The following GPRIN2 variants were observed in gnomAD, a reference collection of about 807,000 sequenced individuals.
GPRIN2 encodes the protein G protein-regulated inducer of neurite outgrowth 2.
In GPRIN2, 1 loss-of-function variant was observed where a neutral mutation model predicts 0.3. The observed-to-expected ratio is 3.90, with a 90% CI of 1.39 to 18.51. The LOEUF (loss-of-function observed/expected upper bound fraction) is 18.51, where lower values mean the gene tolerates loss of function less well. GPRIN2 is among the 30% of genes most tolerant of loss of function. The probability of loss-of-function intolerance (pLI) is 0.11; values close to 1 mark genes in which losing one functional copy is unlikely to be tolerated. For synonymous variants in GPRIN2, 361 were observed against 258.6 expected, an observed-to-expected ratio of 1.40 and a Z score of -3.80; for missense variants, 880 against 604.2, an observed-to-expected ratio of 1.46 and a Z score of -4.79.
rs1324931279 is a variant in GPRIN2, at chr10:46,547,374, C to T, written c.*1986G>A. On this transcript the variant is annotated 3_prime_UTR_variant, in exon 3 of 3. Transcript: ENST00000374314. ...CCACCTCAGAACCCCTTCCACAGTT[C>T]CCTTAAAGTTCCTTTCCTCATTTAC... Among the ~76,000 whole-genome samples, 1 of 152,312 alleles carries T rather than the reference C, an allele frequency of 6.6e-6. No homozygotes were observed. Among genetic ancestry groups the T allele is most frequent in the African/African-American group, 2.4e-5 (1 of 41,488 alleles).
Position 46,547,163 on chromosome 10 carries a change from G to C in GPRIN2, c.*2197C>G, listed in dbSNP as rs1832862274. 2.6e-4 allele frequency among the ~76,000 whole-genome samples: 39 copies of C among 152,410 alleles called. No homozygotes were observed. Among genetic ancestry groups the C allele is most frequent in the African/African-American group, 9.4e-4 (39 of 41,594 alleles). On this transcript the variant is annotated 3_prime_UTR_variant, in exon 3 of 3. Transcript: ENST00000374314. ...CCTCTTGCTCAAACTGGAAACCTCA[G>C]CATCCTGAAATGCCTCCTCCCCAAA...
chr10:46,548,671 G>A lies in GPRIN2; in HGVS notation c.*689C>T, dbSNP rs2131608546. Among the ~76,000 whole-genome samples the A allele has an allele frequency of 7.2e-5, 11 of 152,420 alleles. No individual in the cohort carries two copies. Among genetic ancestry groups the A allele is most frequent in the African/African-American group, 2.2e-4 (9 of 41,606 alleles). The stretch of plus-strand genomic sequence containing the variant: ...CAGAATCCACAGAACCCAGCACAGA[G>A]TATGAGCTCAGTAAATTCTCCTCAT... On this transcript the variant is annotated 3_prime_UTR_variant, in exon 3 of 3. Coordinates refer to ENST00000374314, the MANE Select transcript of GPRIN2 (RefSeq NM_001385282.1).
Position 46,549,981 on chromosome 10 carries a change from G to T in GPRIN2, c.756C>A (p.Ala252=). The part of the protein sequence containing the change: ...RAGGCCHALP[A]TGILAFPKLV... ...GTTTGGGAAAGGCCAGGATCCCTGTGGCAGGTAGGGCATGGCAGCAGCCAC... is the reference window on the plus strand; with the variant it reads ...GTTTGGGAAAGGCCAGGATCCCTGTTGCAGGTAGGGCATGGCAGCAGCCAC... Residue 252 remains alanine (A), a synonymous_variant, in exon 3 of 3, where the codon GCC becomes GCA. Coordinates refer to ENST00000374314, the MANE Select transcript of GPRIN2 (RefSeq NM_001385282.1). 1 of 1,614,106 alleles carries T rather than the reference G, an allele frequency of 6.2e-7. No homozygotes were observed.
rs1297605548 is a variant in GPRIN2, at chr10:46,542,277, G to A, written c.*7083C>T. Among the ~76,000 whole-genome samples, 4 of 152,428 alleles carry A rather than the reference G, an allele frequency of 2.6e-5. No individual in the cohort carries two copies. The highest frequency in any genetic ancestry group is 5.9e-5 in the Non-Finnish European group (4 of 68,048). ...GCCCCAACAGAGGCTCCCTGCTTGG[G>A]CCTTGCTCAGGCCTGGGAGGGTGAT... On this transcript the variant is annotated 3_prime_UTR_variant, in exon 3 of 3. Coordinates refer to ENST00000374314, the MANE Select transcript of GPRIN2 (RefSeq NM_001385282.1).
rs1832501591 is a variant in GPRIN2 at position 46,550,044 on chromosome 10, T to G, written c.693A>C (p.Pro231=). 5.0e-6 allele frequency: 8 copies of G among 1,613,858 alleles called. No individual in the cohort carries two copies. Among genetic ancestry groups the G allele is most frequent in the Admixed American group, 3.3e-5 (2 of 60,026 alleles). ...LATTTCHALP[P]AALLCGMREV... ...CCCTCATGCCACAGAGTAGAGCAGC[T>G]GGGGGCAGAGCATGGCAGGTGGTGG... The change falls in exon 3 of 3, where the codon CCA becomes CCC. Residue 231 remains proline, a synonymous_variant. Coordinates refer to ENST00000374314, the MANE Select transcript of GPRIN2 (RefSeq NM_001385282.1).
chr10:46,552,190 G>T (rs1842690195), intron 2 of GPRIN2, among the ~76,000 whole-genome samples: 1 of 152,312 alleles, frequency 6.6e-6, no homozygotes, highest in African/African-American at 2.4e-5. Flanking sequence ...AAGGTGTTCA[G>T]GTGGAGAGCG....
In GPRIN2 at chr10:46,542,616, T is replaced by C. The variant is rs980412699; in HGVS notation, c.*6744A>G. Among the ~76,000 whole-genome samples the C allele has an allele frequency of 1.4e-3, 215 of 152,280 alleles. No individual in the cohort carries two copies. The highest frequency in any genetic ancestry group is 4.3e-3 in the African/African-American group (180 of 41,484). On this transcript the variant is annotated 3_prime_UTR_variant, in exon 3 of 3. Coordinates refer to ENST00000374314, the MANE Select transcript of GPRIN2 (RefSeq NM_001385282.1). ...TCCCCGGGCCACGTGGAACTGTGAG[T>C]CAATTAAACCTCTTTCCTTTATAAA...
In GPRIN2 at chr10:46,545,256, A is replaced by G. The variant is rs1264339842; in HGVS notation, c.*4104T>C. Among the ~76,000 whole-genome samples, 7 of 151,376 alleles carry G rather than the reference A, an allele frequency of 4.6e-5. No homozygotes were observed. The highest frequency in any genetic ancestry group is 1.3e-4 in the Admixed American group (2 of 15,202). On this transcript the variant is annotated 3_prime_UTR_variant, in exon 3 of 3. Coordinates refer to ENST00000374314, the MANE Select transcript of GPRIN2 (RefSeq NM_001385282.1). ...AACTTCCCCCAAAATAGGCCCTACG[A>G]CTCCAGCAGAAACCTACCCTGGGGC...
rs1296512835 is a variant in GPRIN2 at position 46,556,629 on chromosome 10, G to C, written c.-249C>G. 6.6e-6 allele frequency among the ~76,000 whole-genome samples: 1 copy of C among 151,934 alleles called. No homozygotes were observed. Among genetic ancestry groups the C allele is most frequent in the Non-Finnish European group, 1.5e-5 (1 of 67,940 alleles). On this transcript the variant is annotated 5_prime_UTR_variant, in exon 1 of 3. Transcript: ENST00000374314. ...GCGCGAGACGCCGCCCGCCGCCGTC[G>C]GCCCGGCCCGCGGAGCAAGCGCCGG...
chr10:46,550,176 C>A lies in GPRIN2; in HGVS notation c.561G>T (p.Trp187Cys), dbSNP rs1832457659. Reference protein sequence around the residue: ...APEDETSNSAWMLGASQLSVP... With the variant: ...APEDETSNSACMLGASQLSVP... ...CTGACAACTGACTCGCCCCCAGCATCCAGGCTGAGTTAGAAGTCTCATCCT... is the reference window on the plus strand; with the variant it reads ...CTGACAACTGACTCGCCCCCAGCATACAGGCTGAGTTAGAAGTCTCATCCT... Residue 187 changes from tryptophan (W) to cysteine (C), a missense_variant, in exon 3 of 3, where the codon TGG becomes TGT. By Grantham distance (215) the Trp-to-Cys change is radical. Coordinates refer to ENST00000374314, the MANE Select transcript of GPRIN2 (RefSeq NM_001385282.1). The A allele has an allele frequency of 4.4e-6, 7 of 1,599,398 alleles. No individual in the cohort carries two copies. The highest frequency in any genetic ancestry group is 5.1e-6 in the Non-Finnish European group (6 of 1,172,348).
chr10:46,555,896 G>A (rs1342141114), intron 1 of GPRIN2, among the ~76,000 whole-genome samples: 4 of 152,300 alleles, frequency 2.6e-5, no homozygotes, highest in Non-Finnish European at 5.9e-5. Context: ...CACTCTGCAC[G>A]CCAAGCACAG....
Position 46,541,813 on chromosome 10 carries a change from A to C in GPRIN2, c.*7547T>G, listed in dbSNP as rs1337926025. Among the ~76,000 whole-genome samples, 3 of 152,312 alleles carry C rather than the reference A, an allele frequency of 2.0e-5. No homozygotes were observed. Among genetic ancestry groups the C allele is most frequent in the African/African-American group, 7.2e-5 (3 of 41,488 alleles). The stretch of plus-strand genomic sequence containing the variant: ...ATAAAAACTAATGAAAAAATGATAA[A>C]ATATCAAAAATTTCAATAAAGCAGC... On this transcript the variant is annotated 3_prime_UTR_variant, in exon 3 of 3. Coordinates refer to ENST00000374314, the MANE Select transcript of GPRIN2 (RefSeq NM_001385282.1).
chr10:46,548,970 T>TCA lies in GPRIN2; in HGVS notation c.*388_*389dup, dbSNP rs1176822623. ...GGGCCTCACATTTCATGTCGAGAAT[T>TCA]CACTATTTCTCAGCACTGATTTCAA... On this transcript the variant is annotated 3_prime_UTR_variant, in exon 3 of 3. Coordinates refer to ENST00000374314, the MANE Select transcript of GPRIN2 (RefSeq NM_001385282.1). 9.1e-5 allele frequency: 24 copies of TCA among 263,172 alleles called. No individual in the cohort carries two copies. In the Admixed American group the frequency reaches 1.1e-3, roughly 12 times the overall value. 16.3% of individuals were successfully genotyped at this position (263,172 alleles called of 1,614,324 possible). A position where few individuals can be genotyped will look rare whatever the true frequency, so the allele number is the denominator to read the frequency against.
Position 46,542,793 on chromosome 10 carries a change from C to T in GPRIN2, c.*6567G>A, listed in dbSNP as rs1157525900. 2.0e-5 allele frequency among the ~76,000 whole-genome samples: 3 copies of T among 152,306 alleles called. No individual in the cohort carries two copies. Among genetic ancestry groups the T allele is most frequent in the African/African-American group, 4.8e-5 (2 of 41,486 alleles). ...AGAGAAGCATACAGGTGGGACAGTG[C>T]AGTGTGTCCCCACAGGGGCTCAGGC... On this transcript the variant is annotated 3_prime_UTR_variant, in exon 3 of 3. Coordinates refer to ENST00000374314, the MANE Select transcript of GPRIN2 (RefSeq NM_001385282.1).
Position 46,550,632 on chromosome 10 carries a change from CT to C in GPRIN2, c.104del (p.Gln35ArgfsTer38), listed in dbSNP as rs1832297788. 37 of 1,574,938 alleles carry C rather than the reference CT, an allele frequency of 2.3e-5. No individual in the cohort carries two copies. The South Asian group carries it at 3.1e-4, about 13-fold the overall frequency. ...SSSLLGEGREQRPELRKTASS... is the reference protein window; with the variant it reads ...SSSLLGEGREXRPELRKTASS... The stretch of plus-strand genomic sequence containing the variant: ...TGGCAGTCTTGCGGAGCTCTGGCCT[CT>C]GTTCCCGGCCTTCACCCAGCAGGCT... On this transcript the variant is annotated frameshift_variant, in exon 3 of 3. Coordinates refer to ENST00000374314, the MANE Select transcript of GPRIN2 (RefSeq NM_001385282.1). LOFTEE classifies it low-confidence loss of function (END_TRUNC).
intron 2 of GPRIN2, 27 bp from the exon 3 acceptor site, chr10:46,550,769 GGAGTT>G: frequency 6.7e-7 from 1 of 1,489,210 alleles, no homozygotes; most frequent in East Asian, 2.4e-5. Flanking sequence ...GGGAGGGAGT[GGAGTT>G]GAGTTGGGTG....
In GPRIN2 at chr10:46,548,114, G is replaced by A. The variant is rs1282203906; in HGVS notation, c.*1246C>T. ...ACACTAGCCCTCTGGTCCCTCACAC[G>A]GGTGGATTGGGGGGCTGTGTCACGG... On this transcript the variant is annotated 3_prime_UTR_variant, in exon 3 of 3. Transcript: ENST00000374314. Among the ~76,000 whole-genome samples, 1 of 152,306 alleles carries A rather than the reference G, an allele frequency of 6.6e-6. No homozygotes were observed. Among genetic ancestry groups the A allele is most frequent in the African/African-American group, 2.4e-5 (1 of 41,488 alleles).
Position 46,550,002 on chromosome 10 carries a change from G to A in GPRIN2, c.735C>T (p.Gly245=), listed in dbSNP as rs1832522041. 37 of 1,460,818 alleles carry A rather than the reference G, an allele frequency of 2.5e-5. No individual in the cohort carries two copies. The East Asian group carries it at 8.0e-4, about 32-fold the overall frequency. 90.5% of individuals were successfully genotyped at this position (1,460,818 alleles called of 1,614,324 possible). ...LCGMREVRAG[G]CCHALPATGI... is the part of the protein sequence containing the mutation. ...CTGTGGCAGGTAGGGCATGGCAGCA[G>A]CCACCAGCCCTCACCTCCCTCATGC... The change falls in exon 3 of 3, where the codon GGC becomes GGT. Residue 245 remains glycine (G), a synonymous_variant. Coordinates refer to ENST00000374314, the MANE Select transcript of GPRIN2 (RefSeq NM_001385282.1).
chr10:46,549,978 T>G lies in GPRIN2; in HGVS notation c.759A>C (p.Thr253=), dbSNP rs1555018626. The change falls in exon 3 of 3, where the codon ACA becomes ACC. Residue 253 remains threonine, a synonymous_variant. Coordinates refer to ENST00000374314, the MANE Select transcript of GPRIN2 (RefSeq NM_001385282.1). ...CTAGTTTGGGAAAGGCCAGGATCCC[T>G]GTGGCAGGTAGGGCATGGCAGCAGC... ...AGGCCHALPA[T]GILAFPKLVA... is the part of the protein sequence containing the mutation. 6.2e-6 allele frequency: 10 copies of G among 1,614,096 alleles called. No homozygotes were observed. Among genetic ancestry groups the G allele is most frequent in the Non-Finnish European group, 8.5e-6 (10 of 1,180,042 alleles).
Sources: gnomAD v4.1 joint callset for allele counts (sites outside exome capture counted in the v4.1 genomes callset) on GRCh38, gnomAD v4.1.1 for gene constraint, MANE v1.5 for transcripts, NCBI Gene and HGNC (gene_info 2026-07-23, HGNC 2026-07-21) for gene names.